The following PREPL variants were observed in gnomAD, a reference collection of about 807,000 sequenced individuals.
PREPL encodes the protein prolyl endopeptidase-like.
Under a neutral mutation model 70.6 loss-of-function variants are expected in PREPL, and 77 were observed. That is an observed-to-expected ratio of 1.09 (90% CI 0.91 to 1.32). PREPL has a LOEUF of 1.32. Among genes scored for constraint, PREPL ranks in the 40% most tolerant of loss-of-function variants. The probability of loss-of-function intolerance (pLI) is 0.00; values close to 1 mark genes in which losing one functional copy is unlikely to be tolerated. For synonymous variants in PREPL, 315 were observed against 264.8 expected (o/e 1.19, Z -1.84); for missense variants, 1,002 against 778.2 (o/e 1.29, Z -3.42).
rs989744012 is a variant in PREPL, at chr2:44,319,359, T to C, written c.*1997A>G. Reference sequence around the variant, plus strand: ...CTCTTTGACAAAGTAACTGTCTTTCTGATAATCTATCTTAAGTAATACAAA... The same window carrying C: ...CTCTTTGACAAAGTAACTGTCTTTCCGATAATCTATCTTAAGTAATACAAA... On this transcript the variant is annotated 3_prime_UTR_variant, in exon 14 of 14. Coordinates refer to ENST00000409411, the MANE Select transcript of PREPL (RefSeq NM_001171613.2). 1.3e-5 allele frequency: 2 copies of C among 152,646 alleles called. No individual in the cohort carries two copies. Among genetic ancestry groups the C allele is most frequent in the African/African-American group, 4.8e-5 (2 of 41,466 alleles). The allele number at this position is 152,646 out of a possible 1,614,324, so 9.5% of individuals were successfully genotyped here.
chr2:44,328,831 A>G (rs991130941), intron 9 of PREPL, 106 bp downstream of exon 9: 4 of 1,181,624 alleles, frequency 3.4e-6, no homozygotes, highest in Non-Finnish European at 4.7e-6. Context: ...AAATTGAATA[A>G]TAAGAATGAA....
chr2:44,329,814 T>C (rs191231176), intron 8 of PREPL, among the ~76,000 whole-genome samples: 4 of 152,350 alleles, frequency 2.6e-5, no homozygotes, highest in Admixed American at 1.3e-4. Context: ...TTCCAGTTGA[T>C]TGAAACTAGG....
At chr2:44,338,637 G>C in intron 6 of PREPL, 101 bp from the exon 7 acceptor site, 1 of 948,806 alleles carries the variant, frequency 1.1e-6, no homozygotes, top group Non-Finnish European at 1.6e-6. Context: ...AGTCCTCACT[G>C]TTTTATGAAG....
rs1392412944 is a variant in PREPL at position 44,320,653 on chromosome 2, G to A, written c.*703C>T. 5.0e-6 allele frequency: 8 copies of A among 1,602,346 alleles called. No homozygotes were observed. In the Admixed American group the frequency reaches 1.0e-4, roughly 20 times the overall value. On this transcript the variant is annotated 3_prime_UTR_variant, in exon 14 of 14. Coordinates refer to ENST00000409411, the MANE Select transcript of PREPL (RefSeq NM_001171613.2). ...ACCTCGTGTTAGGCACCTTTATGAA[G>A]AGATGAAGACACTGGCATTTCAGTG...
intron 5 of PREPL, among the ~76,000 whole-genome samples, chr2:44,339,729 C>G (rs1267645805): frequency 1.3e-5 from 2 of 152,134 alleles, no homozygotes; most frequent in Non-Finnish European, 2.9e-5. Context: ...AGGTAAACTA[C>G]AAACGTCATT....
chr2:44,347,949 C>T (rs544946867), intron 1 of PREPL, among the ~76,000 whole-genome samples: 1 of 152,144 alleles, frequency 6.6e-6, no homozygotes, highest in South Asian at 2.1e-4. Flanking sequence ...AAAGGTTTTC[C>T]TTTTAGATTT....
rs1009002738 is a variant in PREPL at position 44,317,907 on chromosome 2, A to G, written c.*3449T>C. ...AACCACTCAGATAACAAAAACAGAC[A>G]TAAGAAACACTAACATAAAACACAA... On this transcript the variant is annotated 3_prime_UTR_variant, in exon 14 of 14. Transcript: ENST00000409411. 2.9e-5 allele frequency: 7 copies of G among 237,826 alleles called. No individual in the cohort carries two copies. The highest frequency in any genetic ancestry group is 1.5e-4 in the East Asian group (1 of 6,818). The allele number at this position is 237,826 out of a possible 1,614,324, so 14.7% of individuals were successfully genotyped here. A position where few individuals can be genotyped will look rare whatever the true frequency, so the allele number is the denominator to read the frequency against.
chr2:44,323,758 AAACAAC>A lies in PREPL; in HGVS notation c.1480-353_1480-348del, dbSNP rs534544261. Among the ~76,000 whole-genome samples, 544 of 152,246 alleles carry A rather than the reference AAACAAC, an allele frequency of 3.6e-3. 1 individual carries two copies. The highest frequency in any genetic ancestry group is 0.013 in the African/African-American group (524 of 41,550). Reference sequence around the variant, plus strand: ...ATTAGGACAGTTAGTTATTATATTAAAACAACAACAACAACAACAAGTATTGGCAGT... The same window carrying A: ...ATTAGGACAGTTAGTTATTATATTAAAACAACAACAACAAGTATTGGCAGT... On this transcript the variant is annotated intron_variant, in intron 10 of 13. Transcript: ENST00000409411.
chr2:44,331,490 GC>G (rs1449441926), intron 8 of PREPL, among the ~76,000 whole-genome samples: 1 of 152,112 alleles, frequency 6.6e-6, no homozygotes, highest in Non-Finnish European at 1.5e-5. Context: ...ATAGGTGTGA[GC>G]CACTGTGCCC....
chr2:44,349,005 G>C (rs1489910828), intron 1 of PREPL, among the ~76,000 whole-genome samples: 3 of 152,106 alleles, frequency 2.0e-5, no homozygotes, highest in Non-Finnish European at 4.4e-5. Flanking sequence ...GGTAAGGATG[G>C]CTTTACCTTC....
Position 44,321,160 on chromosome 2 carries a change from T to C in PREPL, c.*196A>G, listed in dbSNP as rs1672906688. On this transcript the variant is annotated 3_prime_UTR_variant, in exon 14 of 14. Coordinates refer to ENST00000409411, the MANE Select transcript of PREPL (RefSeq NM_001171613.2). ...TTTGAAAATTACTTTCCTAGGTTAATGGGCATGTGCATCAATGGAGAGAAT... is the reference window on the plus strand; with the variant it reads ...TTTGAAAATTACTTTCCTAGGTTAACGGGCATGTGCATCAATGGAGAGAAT... 2 of 567,914 alleles carry C rather than the reference T, an allele frequency of 3.5e-6. No homozygotes were observed. Among genetic ancestry groups the C allele is most frequent in the South Asian group, 4.7e-5 (2 of 42,488 alleles). The allele number at this position is 567,914 out of a possible 1,614,324, so 35.2% of individuals were successfully genotyped here. A position where few individuals can be genotyped will look rare whatever the true frequency, so the allele number is the denominator to read the frequency against.
chr2:44,322,496 C>G (rs1477855446), intron 12 of PREPL, among the ~76,000 whole-genome samples: 1 of 152,158 alleles, frequency 6.6e-6, no homozygotes, highest in Non-Finnish European at 1.5e-5. Context: ...TTTCCTGTTT[C>G]CTTTGTGTCC....
At chr2:44,336,084 G>A (rs1674608274) in intron 7 of PREPL, among the ~76,000 whole-genome samples, 1 of 152,108 alleles carries the variant, frequency 6.6e-6, no homozygotes, top group African/African-American at 2.4e-5. Context: ...AGAAAAAAGG[G>A]AAAGCTTATA....
rs751071578 is a variant in PREPL at position 44,344,613 on chromosome 2, T to TA, written c.76-28dup. On this transcript the variant is annotated intron_variant, in intron 2 of 13. Transcript: ENST00000409411. ...TGACAAAAGAAACATGCAGTTTACT[T>TA]AATAATAATTTAATTAACCTTTTCA... is the stretch of plus-strand genomic sequence containing the variant. The TA allele has an allele frequency of 4.6e-6, 7 of 1,518,158 alleles. No homozygotes were observed. The South Asian group carries it at 7.5e-5, about 16-fold the overall frequency. 94.0% of individuals were successfully genotyped at this position (1,518,158 alleles called of 1,614,324 possible).
chr2:44,353,446 G>A (rs1174196955), intron 1 of PREPL, among the ~76,000 whole-genome samples: 2 of 152,000 alleles, frequency 1.3e-5, no homozygotes, highest in African/African-American at 4.8e-5. Flanking sequence ...AAATTAGCTG[G>A]GCATGGTGGC....
chr2:44,359,781 G>A, intron 1 of PREPL: 3 of 1,158,468 alleles, frequency 2.6e-6, no homozygotes, highest in Non-Finnish European at 2.6e-6. Context: ...TTATAGGTAT[G>A]ATTACAGAGT....
intron 1 of PREPL, among the ~76,000 whole-genome samples, chr2:44,356,017 G>T (rs1433137357): frequency 6.6e-6 from 1 of 152,158 alleles, no homozygotes; most frequent in Non-Finnish European, 1.5e-5. Flanking sequence ...ATGGATGCTA[G>T]TCTTTGAATA....
chr2:44,354,945 CATAAAG>C (rs1676857997), intron 1 of PREPL, among the ~76,000 whole-genome samples: 1 of 152,140 alleles, frequency 6.6e-6, no homozygotes, highest in Non-Finnish European at 1.5e-5. Context: ...CCATCTGAAA[CATAAAG>C]ATAAACCAGG....
chr2:44,335,770 A>T, intron 7 of PREPL, among the ~76,000 whole-genome samples: 1 of 152,090 alleles, frequency 6.6e-6, no homozygotes, highest in Non-Finnish European at 1.5e-5. Flanking sequence ...AGAATGGGAG[A>T]AAATATTTAC....
Sources: gnomAD v4.1 joint callset for allele counts (sites outside exome capture counted in the v4.1 genomes callset) on GRCh38, gnomAD v4.1.1 for gene constraint, MANE v1.5 for transcripts, NCBI Gene and HGNC (gene_info 2026-07-23, HGNC 2026-07-21) for gene names.